TP53BP2: variants seen among roughly 807,000 people sequenced by gnomAD.
The protein encoded by TP53BP2 is tumor protein p53 binding protein 2, also known as apoptosis-stimulating of p53 protein 2.
In TP53BP2, 62 loss-of-function variants were observed where a neutral mutation model predicts 126.2. That is an observed-to-expected ratio of 0.49 (90% CI 0.40 to 0.61). The LOEUF (loss-of-function observed/expected upper bound fraction) is 0.61. Ranked by LOEUF, TP53BP2 falls within the 20% of genes least tolerant of loss-of-function variation. TP53BP2 has a pLI of 0.00. For synonymous variants in TP53BP2, 485 were observed against 502.9 expected, an observed-to-expected ratio of 0.96 and a Z score of 0.48; for missense variants, 1,215 against 1,402.8, an observed-to-expected ratio of 0.87 and a Z score of 2.14.
Position 223,796,166 on chromosome 1 carries a change from T to C in TP53BP2, c.2373A>G (p.Val791=). Residue 791 remains valine, a synonymous_variant, in exon 13 of 18, where the codon GTA becomes GTG. Coordinates refer to ENST00000343537, the MANE Select transcript of TP53BP2 (RefSeq NM_001031685.3). The surrounding 1 kb of genome is among the most constrained non-coding windows in gnomAD (Gnocchi z 4.2). ...ASVTASSESP[V]EIQNPYLHVE... ...CATGTAAATATGGATTCTGGATTTC[T>C]ACTGGGCTTTCTGAGCTGGCAGTCA... 1 of 1,614,236 alleles carries C rather than the reference T, an allele frequency of 6.2e-7. No homozygotes were observed. Among genetic ancestry groups the C allele is most frequent in the South Asian group, 1.1e-5 (1 of 91,080 alleles).
chr1:223,796,532 A>G lies in TP53BP2; in HGVS notation c.2007T>C (p.Ile669=). The G allele has an allele frequency of 6.2e-7, 1 of 1,613,982 alleles. No individual in the cohort carries two copies. Among genetic ancestry groups the G allele is most frequent in the South Asian group, 1.1e-5 (1 of 91,066 alleles). The change falls in exon 13 of 18, where the codon ATT becomes ATC. Residue 669 remains isoleucine (I), a synonymous_variant. Transcript: ENST00000343537. The surrounding 1 kb of genome is among the most constrained non-coding windows in gnomAD (Gnocchi z 4.2). ...CAGGCTTGCCCTGGCTATTGGAATA[A>G]ATGTTCTCTGGGTGCTGCTGTTGAT... ...AQNQQQHPEN[I]YSNSQGKPGS...
At position 223,800,794 on chromosome 1, in the gene TP53BP2, T is replaced by G; in HGVS notation, c.1242A>C (p.Pro414=). The change falls in exon 10 of 18, where the codon CCA becomes CCC. Residue 414 remains proline (P), a synonymous_variant. Transcript: ENST00000343537. The part of the protein sequence containing the change: ...ASQTKGSKIH[P]VGPDWSPSNA... The stretch of plus-strand genomic sequence containing the variant: ...TTGAAGGACTCCAATCAGGGCCAAC[T>G]GGATGGATTTTAGAGCCTAAAATAC... 6.2e-7 allele frequency: 1 copy of G among 1,606,346 alleles called. No homozygotes were observed. Among genetic ancestry groups the G allele is most frequent in the Non-Finnish European group, 8.5e-7 (1 of 1,178,038 alleles).
chr1:223,803,235 A>C (rs779747676), intron 7 of TP53BP2, 36 bp downstream of exon 7: 2 of 1,569,900 alleles, frequency 1.3e-6, no homozygotes, highest in Non-Finnish European at 1.7e-6. Flanking sequence ...TCTGGAAAGG[A>C]GGTTGTACAG....
At chr1:223,788,859 T>C (rs1384354120) in intron 16 of TP53BP2, 149 bp downstream of exon 16, 10 of 724,852 alleles carry the variant, frequency 1.4e-5, no homozygotes, top group African/African-American at 1.1e-4. Flanking sequence ...AGCTGTATTA[T>C]CTGTGACCAA....
chr1:223,826,439 A>G (rs932769764), intron 1 of TP53BP2, among the ~76,000 whole-genome samples: 4 of 152,202 alleles, frequency 2.6e-5, no homozygotes, highest in Non-Finnish European at 5.9e-5. Context: ...CCATCGTCTA[A>G]GGCTAGGGCA....
In TP53BP2 at chr1:223,803,264, G is replaced by A. The variant is rs777158212; in HGVS notation, c.831+7C>T. The A allele has an allele frequency of 1.9e-5, 31 of 1,603,206 alleles. No homozygotes were observed. Among genetic ancestry groups the A allele is most frequent in the Admixed American group, 1.2e-4 (7 of 58,080 alleles). On this transcript the variant is annotated splice_region_variant and intron_variant, in intron 7 of 17. Transcript: ENST00000343537. ...TGTACAGCTTTTGGCAAACAGCTAC[G>A]GTCTACCTGCAGCTCCTTATAGAGG...
At chr1:223,794,298 A>G (rs527518790) in intron 13 of TP53BP2, among the ~76,000 whole-genome samples, 10 of 152,274 alleles carry the variant, frequency 6.6e-5, no homozygotes, top group African/African-American at 2.4e-4. Flanking sequence ...TTTATCTCAG[A>G]TGTGGAAAAT....
At chr1:223,811,837 T>C (rs941404361) in intron 3 of TP53BP2, among the ~76,000 whole-genome samples, 2 of 152,208 alleles carry the variant, frequency 1.3e-5, no homozygotes, top group African/African-American at 2.4e-5. Context: ...CACTGGTGTT[T>C]TGTGACAACG....
At chr1:223,799,783 A>C (rs891710928) in intron 11 of TP53BP2, 116 bp downstream of exon 11, 1 of 925,130 alleles carries the variant, frequency 1.1e-6, no homozygotes, top group African/African-American at 1.7e-5. Context: ...TGTATTTTCT[A>C]ATCTCCTAGG....
At chr1:223,815,704 CT>C (rs1663062289) in intron 2 of TP53BP2, among the ~76,000 whole-genome samples, 3 of 152,254 alleles carry the variant, frequency 2.0e-5, no homozygotes, top group Non-Finnish European at 4.4e-5. Context: ...CCTACTAACA[CT>C]CATGTGCCAG....
intron 11 of TP53BP2, 62 bp from the exon 12 acceptor site, chr1:223,798,739 A>G (rs1315292721): frequency 2.2e-6 from 3 of 1,339,368 alleles, no homozygotes; most frequent in Non-Finnish European, 3.1e-6. Flanking sequence ...AGGATGTTCT[A>G]GATAACCTAA....
chr1:223,826,025 C>A (rs1013381039), intron 1 of TP53BP2: 1 of 152,248 alleles, frequency 6.6e-6, no homozygotes, highest in African/African-American at 2.4e-5. Flanking sequence ...CCGTACTATG[C>A]AGTCAGAGGA....
rs982218003 is a variant in TP53BP2, at chr1:223,800,683, G to A, written c.1336+17C>T. 2 of 1,565,304 alleles carry A rather than the reference G, an allele frequency of 1.3e-6. No homozygotes were observed. The highest frequency in any genetic ancestry group is 1.2e-5 in the South Asian group (1 of 85,242). ...GACCAAAATTTAATGTTCAAGAGTAGCACAAATAAATCTCACCTTGATCCA... is the reference window on the plus strand; with the variant it reads ...GACCAAAATTTAATGTTCAAGAGTAACACAAATAAATCTCACCTTGATCCA... On this transcript the variant is annotated intron_variant, in intron 10 of 17. Coordinates refer to ENST00000343537, the MANE Select transcript of TP53BP2 (RefSeq NM_001031685.3).
chr1:223,838,752 G>A (rs1664006278), intron 1 of TP53BP2, among the ~76,000 whole-genome samples: 1 of 152,172 alleles, frequency 6.6e-6, no homozygotes, highest in African/African-American at 2.4e-5. Flanking sequence ...CGTATTTACA[G>A]ATATCATCTC....
chr1:223,803,138 T>C (rs1251563167), intron 7 of TP53BP2, 133 bp downstream of exon 7: 1 of 1,141,858 alleles, frequency 8.8e-7, no homozygotes, highest in African/African-American at 1.6e-5. Context: ...TTCTCTGGAG[T>C]TTGGGTTCCC....
rs10543436 is a variant in TP53BP2 at position 223,831,480 on chromosome 1, AATATAT to A, written c.28-10119_28-10114del. 9.5e-3 allele frequency among the ~76,000 whole-genome samples: 308 copies of A among 32,416 alleles called. 2 individuals carry two copies. Among genetic ancestry groups the A allele is most frequent in the African/African-American group, 0.015 (167 of 11,388 alleles). The allele number at this position is 32,416 out of a possible 152,430, so 21.3% of individuals were successfully genotyped here. A position where few individuals can be genotyped will look rare whatever the true frequency, so the allele number is the denominator to read the frequency against. The stretch of plus-strand genomic sequence containing the variant: ...TATGTACCATCTAAAAAAAAAAAAA[AATATAT>A]ATATATATATATATATATATATATA... On this transcript the variant is annotated intron_variant, in intron 1 of 17. Coordinates refer to ENST00000343537, the MANE Select transcript of TP53BP2 (RefSeq NM_001031685.3).
intron 1 of TP53BP2, among the ~76,000 whole-genome samples, chr1:223,829,027 A>G (rs1386735602): frequency 1.3e-5 from 2 of 152,064 alleles, no homozygotes; most frequent in Non-Finnish European, 2.9e-5. Flanking sequence ...TTAGTATGTG[A>G]GAGATACAAA....
intron 5 of TP53BP2, among the ~76,000 whole-genome samples, chr1:223,804,745 T>C (rs1434330716): frequency 2.6e-5 from 4 of 152,206 alleles, no homozygotes; most frequent in Admixed American, 2.6e-4. Flanking sequence ...CAAACCCAGC[T>C]CTACCACTTA....
chr1:223,804,363 A>C lies in TP53BP2; in HGVS notation c.475-15T>G, dbSNP rs747318358. The C allele has an allele frequency of 6.2e-7, 1 of 1,611,350 alleles. No individual in the cohort carries two copies. The highest frequency in any genetic ancestry group is 1.1e-5 in the South Asian group (1 of 90,564). On this transcript the variant is annotated splice_polypyrimidine_tract_variant and intron_variant, in intron 5 of 17. Coordinates refer to ENST00000343537, the MANE Select transcript of TP53BP2 (RefSeq NM_001031685.3). Reference sequence around the variant, plus strand: ...AAGCGCTGTTCCTAAAAATAAAAGTAATCATTAGGTATGTCATTTTAGGTA... The same window carrying C: ...AAGCGCTGTTCCTAAAAATAAAAGTCATCATTAGGTATGTCATTTTAGGTA...
Sources: gnomAD v4.1 joint callset for allele counts (sites outside exome capture counted in the v4.1 genomes callset) on GRCh38, gnomAD v4.1.1 for gene constraint, Gnocchi (gnomAD v3.1) non-coding constraint, MANE v1.5 for transcripts, NCBI Gene and HGNC (gene_info 2026-07-23, HGNC 2026-07-21) for gene names.